MTSS1: variants seen among roughly 807,000 people sequenced by gnomAD.
MTSS1 encodes the protein MTSS I-BAR domain containing 1.
In MTSS1, 18 loss-of-function variants were observed where a neutral mutation model predicts 79.0. That is an observed-to-expected ratio of 0.23 (90% CI 0.16 to 0.34). The LOEUF is 0.34. Among genes scored for constraint, MTSS1 ranks in the 10% least tolerant of loss-of-function variants. The pLI is 1.00. For missense variants in MTSS1, 815 were observed against 986.2 expected (o/e 0.83, Z 2.33); for synonymous variants, 341 against 368.6 (o/e 0.93, Z 0.86).
intron 9 of MTSS1, among the ~76,000 whole-genome samples, chr8:124,563,632 GTTT>G (rs1395588156): frequency 5.9e-5 from 9 of 152,200 alleles, no homozygotes; most frequent in Admixed American, 2.0e-4. Flanking sequence ...TTTAATTAAT[GTTT>G]TTACTCTGAC....
Position 124,660,344 on chromosome 8 carries a change from A to C in MTSS1, c.208+39182T>G, listed in dbSNP as rs867233229. Among the ~76,000 whole-genome samples the C allele has an allele frequency of 4.6e-5, 7 of 152,184 alleles. No individual in the cohort carries two copies. The Middle Eastern group carries it at 0.014, about 296-fold the overall frequency. Reference sequence around the variant, plus strand: ...GCAGCACTTTAACCAAAAGAAAGTAAACAAGGGAGGGTGGGGGCAAGGAAC... The same window carrying C: ...GCAGCACTTTAACCAAAAGAAAGTACACAAGGGAGGGTGGGGGCAAGGAAC... On this transcript the variant is annotated intron_variant, in intron 3 of 13. Coordinates refer to ENST00000518547, the MANE Select transcript of MTSS1 (RefSeq NM_014751.6).
chr8:124,624,894 C>T (rs1208332349), intron 3 of MTSS1, among the ~76,000 whole-genome samples: 2 of 152,168 alleles, frequency 1.3e-5, no homozygotes, highest in Non-Finnish European at 2.9e-5. Flanking sequence ...CTGGCAAATG[C>T]CTGGAAATTT....
chr8:124,637,142 C>G (rs898784261), intron 3 of MTSS1, among the ~76,000 whole-genome samples: 1 of 152,224 alleles, frequency 6.6e-6, no homozygotes, highest in Admixed American at 6.5e-5. Context: ...AAAAGAAGCA[C>G]CTGGCTCCAG....
At chr8:124,554,488 T>C (rs1563728375) in intron 13 of MTSS1, among the ~76,000 whole-genome samples, 1 of 152,160 alleles carries the variant, frequency 6.6e-6, no homozygotes, top group Non-Finnish European at 1.5e-5. Flanking sequence ...CCAATAAGAC[T>C]CACTGTCTTA....
rs748980007 is a variant in MTSS1, at chr8:124,553,508, T to G, written c.1752A>C (p.Pro584=). Residue 584 remains proline (P), a synonymous_variant, in exon 14 of 14, where the codon CCA becomes CCC. Coordinates refer to ENST00000518547, the MANE Select transcript of MTSS1 (RefSeq NM_014751.6). The surrounding 1 kb of genome is among the most constrained non-coding windows in gnomAD (Gnocchi z 6.0). ...PTTLGPAMVT[P]GVATIRRTPS... ...GGGTCCGTCGGATAGTTGCAACCCC[T>G]GGAGTGACCATAGCAGGTCCCAGGG... The G allele has an allele frequency of 1.2e-6, 2 of 1,613,974 alleles. No homozygotes were observed. The highest frequency in any genetic ancestry group is 8.5e-7 in the Non-Finnish European group (1 of 1,179,960).
chr8:124,715,372 A>C (rs1831783649), intron 1 of MTSS1, among the ~76,000 whole-genome samples: 1 of 147,234 alleles, frequency 6.8e-6, no homozygotes, highest in Non-Finnish European at 1.5e-5. Flanking sequence ...TTTGTTGTTT[A>C]ATTTGTTTTC....
intron 3 of MTSS1, among the ~76,000 whole-genome samples, chr8:124,646,298 A>G (rs1323122653): frequency 2.0e-5 from 3 of 152,242 alleles, no homozygotes; most frequent in African/African-American, 4.8e-5. Flanking sequence ...ACACTTCACA[A>G]TCGGGAGAAC....
intron 3 of MTSS1, among the ~76,000 whole-genome samples, chr8:124,608,521 G>C (rs1414970726): frequency 3.9e-5 from 6 of 152,226 alleles, no homozygotes; most frequent in Non-Finnish European, 4.4e-5. Flanking sequence ...TATTGTGCAT[G>C]TTCAGGTTGC....
intron 8 of MTSS1, 74 bp from the exon 9 acceptor site, chr8:124,565,833 C>T: frequency 1.6e-6 from 2 of 1,268,810 alleles, no homozygotes; most frequent in Non-Finnish European, 2.2e-6. Flanking sequence ...TTAACATCCA[C>T]CAAAGCATCA....
chr8:124,699,384 C>T (rs1564018137), intron 3 of MTSS1, 142 bp downstream of exon 3: 1 of 677,324 alleles, frequency 1.5e-6, no homozygotes, highest in Admixed American at 2.9e-5. Context: ...TATGTGGAAT[C>T]CCACAGAGTT....
chr8:124,669,049 T>C (rs1823641139), intron 3 of MTSS1, among the ~76,000 whole-genome samples: 2 of 152,234 alleles, frequency 1.3e-5, no homozygotes, highest in African/African-American at 4.8e-5. Context: ...ACTGACTTCA[T>C]TTTGTTCCAC....
intron 3 of MTSS1, among the ~76,000 whole-genome samples, chr8:124,636,569 G>A (rs1386479336): frequency 1.3e-5 from 2 of 152,162 alleles, no homozygotes; most frequent in Non-Finnish European, 2.9e-5. Flanking sequence ...TGATCATTCT[G>A]ACAGCTGTGA....
At chr8:124,563,129 CCTGGA>C (rs1586823039) in intron 9 of MTSS1, 137 bp from the exon 10 acceptor site, 1 of 726,036 alleles carries the variant, frequency 1.4e-6, no homozygotes, top group East Asian at 2.7e-5. Context: ...AGCTCTCTGC[CCTGGA>C]GATGCAGTGC....
At chr8:124,577,440 G>A (rs1431271667) in intron 6 of MTSS1, among the ~76,000 whole-genome samples, 1 of 152,188 alleles carries the variant, frequency 6.6e-6, no homozygotes, top group Non-Finnish European at 1.5e-5. Flanking sequence ...AGTAGAGATA[G>A]GGTTTTGCCA....
chr8:124,612,574 A>ATGTGTGTGTGTG lies in MTSS1; in HGVS notation c.209-21351_209-21340dup, dbSNP rs58367314. 4.1e-3 allele frequency among the ~76,000 whole-genome samples: 413 copies of ATGTGTGTGTGTG among 99,568 alleles called. 6 individuals are homozygous for ATGTGTGTGTGTG. Among genetic ancestry groups the ATGTGTGTGTGTG allele is most frequent in the Middle Eastern group, 5.3e-3 (1 of 188 alleles). 65.3% of individuals were successfully genotyped at this position (99,568 alleles called of 152,430 possible). A position where few individuals can be genotyped will look rare whatever the true frequency, so the allele number is the denominator to read the frequency against. On this transcript the variant is annotated intron_variant, in intron 3 of 13. Transcript: ENST00000518547. The stretch of plus-strand genomic sequence containing the variant: ...TGAGATTTTAAAGACCAAGTTTAAA[A>ATGTGTGTGTGTG]TGTGTGTGTGTGTGTGTGTGTGTGT...
At chr8:124,649,578 C>T (rs1819591571) in intron 3 of MTSS1, among the ~76,000 whole-genome samples, 1 of 152,162 alleles carries the variant, frequency 6.6e-6, no homozygotes, top group South Asian at 2.1e-4. Context: ...GCTCCCGGCA[C>T]AGGCAAATTA....
intron 3 of MTSS1, among the ~76,000 whole-genome samples, chr8:124,692,016 C>T (rs984917209): frequency 1.2e-4 from 18 of 151,488 alleles, no homozygotes; most frequent in African/African-American, 4.4e-4. Context: ...TGATAGATAT[C>T]CCAATTACCC....
intron 3 of MTSS1, among the ~76,000 whole-genome samples, chr8:124,688,192 A>C (rs1827297790): frequency 6.6e-6 from 1 of 151,902 alleles, no homozygotes; most frequent in East Asian, 1.9e-4. Context: ...ATGTATGTGC[A>C]TATGTGTATG....
chr8:124,567,610 A>G (rs1013962469), intron 7 of MTSS1: 9 of 1,393,906 alleles, frequency 6.5e-6, no homozygotes, highest in Non-Finnish European at 8.4e-6. Context: ...TGTTCAACAG[A>G]AGCTAACTTT....
Sources: allele counts gnomAD v4.1 joint callset (sites outside exome capture counted in the v4.1 genomes callset), GRCh38; gene constraint gnomAD v4.1.1; non-coding constraint Gnocchi (gnomAD v3.1); transcripts MANE v1.5; gene names NCBI Gene and HGNC (gene_info 2026-07-23, HGNC 2026-07-21).